Variants in RBFA observed in about 807,000 individuals in gnomAD.
The protein encoded by RBFA is putative ribosome-binding factor A, mitochondrial.
RBFA carries 16 observed loss-of-function variants against 27.9 expected under a neutral mutation model. The observed-to-expected ratio is 0.57, with a 90% CI of 0.39 to 0.87. The LOEUF (loss-of-function observed/expected upper bound fraction) is 0.87, where lower values mean the gene tolerates loss of function less well. RBFA is among the 40% of genes least tolerant of loss of function. The probability of loss-of-function intolerance (pLI) is 0.00; values close to 1 mark genes in which losing one functional copy is unlikely to be tolerated. For missense variants in RBFA, 456 were observed against 432.1 expected (o/e 1.06, Z -0.49); for synonymous variants, 181 against 181.0 (o/e 1.00, Z 0.00).
intron 3 of RBFA, 136 bp from the exon 4 acceptor site, chr18:80,038,369 T>G (rs1599766383): frequency 1.6e-6 from 1 of 607,648 alleles, no homozygotes; most frequent in South Asian, 2.1e-5. Flanking sequence ...CAGCAGGAGG[T>G]GGCCTCCAGC....
chr18:80,036,490 C>T (rs2051979727), intron 1 of RBFA, among the ~76,000 whole-genome samples, 178 bp from the exon 2 acceptor site: 1 of 152,186 alleles, frequency 6.6e-6, no homozygotes, highest in Admixed American at 6.5e-5. Flanking sequence ...CATCTTCAGC[C>T]TCTTCCCCAC....
Position 80,050,470 on chromosome 18 carries a change from C to G in RBFA, c.*4315C>G, listed in dbSNP as rs183518701. ...AGACTGGGGCACCCATCCCCTCAAG[C>G]ATTTATCCTTTGTGCCACAAACAAT... On this transcript the variant is annotated 3_prime_UTR_variant, in exon 7 of 7. Transcript: ENST00000306735. Among the ~76,000 whole-genome samples, 439 of 152,274 alleles carry G rather than the reference C, an allele frequency of 2.9e-3. No homozygotes were observed. Among genetic ancestry groups the G allele is most frequent in the African/African-American group, 9.9e-3 (413 of 41,542 alleles).
chr18:80,037,282 T>C, intron 2 of RBFA, 48 bp from the exon 3 acceptor site: 1 of 1,558,318 alleles, frequency 6.4e-7, no homozygotes, highest in Non-Finnish European at 8.8e-7. Flanking sequence ...CTTGGTGAGT[T>C]TGGAGTTGTA....
chr18:80,038,402 GGT>G, intron 3 of RBFA, 101 bp from the exon 4 acceptor site: 1 of 760,248 alleles, frequency 1.3e-6, no homozygotes, highest in Non-Finnish European at 2.2e-6. Context: ...CCCTGGCTTG[GGT>G]GGGAGGGGCG....
At chr18:80,045,122 C>A (rs1239638973) in intron 6 of RBFA, among the ~76,000 whole-genome samples, 1 of 152,132 alleles carries the variant, frequency 6.6e-6, no homozygotes, top group Admixed American at 6.5e-5. Flanking sequence ...AGAATAGACT[C>A]TTCATGAAGG....
chr18:80,039,858 CAG>C (rs772482989), intron 4 of RBFA, among the ~76,000 whole-genome samples: 1 of 152,150 alleles, frequency 6.6e-6, no homozygotes, highest in Non-Finnish European at 1.5e-5. Flanking sequence ...TTTAATGTAG[CAG>C]AGTGTGACAG....
chr18:80,043,017 C>G (rs938249043), intron 5 of RBFA, among the ~76,000 whole-genome samples: 16 of 152,178 alleles, frequency 1.1e-4, no homozygotes, highest in Admixed American at 7.2e-4. Flanking sequence ...ATGGATCAGT[C>G]CACTTTCGTT....
rs186980626 is a variant in RBFA at position 80,043,218 on chromosome 18, G to A, written c.577-994G>A. On this transcript the variant is annotated intron_variant, in intron 5 of 6. Coordinates refer to ENST00000306735, the MANE Select transcript of RBFA (RefSeq NM_024805.3). The stretch of plus-strand genomic sequence containing the variant: ...TTCAAAAAGTCAGTCAAAAATCAGC[G>A]AATAGCGTTTGCAGTATTATAGGTA... Among the ~76,000 whole-genome samples, 90 of 152,284 alleles carry A rather than the reference G, an allele frequency of 5.9e-4. 1 individual carries two copies. The Middle Eastern group carries it at 0.014, about 23-fold the overall frequency.
rs1348649434 is a variant in RBFA, at chr18:80,034,748, T to A, written c.158+95T>A. Reference sequence around the variant, plus strand: ...CCGCTCATCCGCGTTCTTGCGCCCATGCGGCCTAGCTCGCCAGTTCCTGCC... The same window carrying A: ...CCGCTCATCCGCGTTCTTGCGCCCAAGCGGCCTAGCTCGCCAGTTCCTGCC... On this transcript the variant is annotated intron_variant, in intron 1 of 6. Coordinates refer to ENST00000306735, the MANE Select transcript of RBFA (RefSeq NM_024805.3). 2.6e-6 allele frequency: 4 copies of A among 1,526,102 alleles called. No homozygotes were observed. The African/African-American group carries it at 4.3e-5, about 16-fold the overall frequency. 94.5% of individuals were successfully genotyped at this position (1,526,102 alleles called of 1,614,324 possible). A position where few individuals can be genotyped will look rare whatever the true frequency, so the allele number is the denominator to read the frequency against.
In RBFA at chr18:80,045,762, C is replaced by T. The variant is rs776783754; in HGVS notation, c.651-12C>T. The stretch of plus-strand genomic sequence containing the variant: ...GTTTGTGCTTGGTGTGAAGCCTCTT[C>T]TTCCTTCCCAGGGACCCTGATGCCC... On this transcript the variant is annotated splice_polypyrimidine_tract_variant and intron_variant, in intron 6 of 6. Transcript: ENST00000306735. The T allele has an allele frequency of 1.9e-5, 29 of 1,511,326 alleles. No individual in the cohort carries two copies. The highest frequency in any genetic ancestry group is 3.5e-6 in the Non-Finnish European group (4 of 1,130,820). 93.6% of individuals were successfully genotyped at this position (1,511,326 alleles called of 1,614,324 possible). A position where few individuals can be genotyped will look rare whatever the true frequency, so the allele number is the denominator to read the frequency against.
At chr18:80,044,459 C>T (rs1294326916) in intron 6 of RBFA, among the ~76,000 whole-genome samples, 174 bp downstream of exon 6, 2 of 152,212 alleles carry the variant, frequency 1.3e-5, no homozygotes, top group Admixed American at 1.3e-4. Flanking sequence ...GGCCTGGCCA[C>T]GTTTACACAG....
intron 2 of RBFA, among the ~76,000 whole-genome samples, chr18:80,036,976 G>C (rs962448072): frequency 6.6e-6 from 1 of 152,310 alleles, no homozygotes; most frequent in African/African-American, 2.4e-5. Context: ...TACTGTAAAA[G>C]TTTATACAAT....
In RBFA at chr18:80,038,562, G is replaced by A; in HGVS notation, c.436G>A (p.Ala146Thr). The A allele has an allele frequency of 2.5e-6, 4 of 1,614,160 alleles. No individual in the cohort carries two copies. Among genetic ancestry groups the A allele is most frequent in the Non-Finnish European group, 3.4e-6 (4 of 1,179,996 alleles). Residue 146 changes from alanine (A) to threonine (T), a missense_variant, in exon 4 of 7, where the codon GCT (alanine) becomes ACT (threonine). Ala to Thr is a moderately conservative substitution (Grantham distance 58). Coordinates refer to ENST00000306735, the MANE Select transcript of RBFA (RefSeq NM_024805.3). ...CRAYWKTTLSAEQNAHMEAVL... is the reference protein window; with the variant it reads ...CRAYWKTTLSTEQNAHMEAVL... ...AGCGTACTGGAAGACAACGCTCTCT[G>A]CTGAGCAGAACGCACACATGGAGGC...
Position 80,047,376 on chromosome 18 carries a change from G to C in RBFA, c.*1221G>C, listed in dbSNP as rs2052063297. On this transcript the variant is annotated 3_prime_UTR_variant, in exon 7 of 7. Transcript: ENST00000306735. ...GCCACGTGCTGCAGACAGCGGCTGTGGGCGAGTGATGAGGCCACTACCCAG... is the reference window on the plus strand; with the variant it reads ...GCCACGTGCTGCAGACAGCGGCTGTCGGCGAGTGATGAGGCCACTACCCAG... 1 of 152,362 alleles carries C rather than the reference G, an allele frequency of 6.6e-6. No homozygotes were observed. Among genetic ancestry groups the C allele is most frequent in the Admixed American group, 6.5e-5 (1 of 15,284 alleles). 9.4% of individuals were successfully genotyped at this position (152,362 alleles called of 1,614,324 possible). A position where few individuals can be genotyped will look rare whatever the true frequency, so the allele number is the denominator to read the frequency against.
In RBFA at chr18:80,037,539, T is replaced by C. The variant is rs775420499; in HGVS notation, c.378+33T>C. 35 of 1,575,058 alleles carry C rather than the reference T, an allele frequency of 2.2e-5. No individual in the cohort carries two copies. In the East Asian group the frequency reaches 7.9e-4, roughly 36 times the overall value. On this transcript the variant is annotated intron_variant, in intron 3 of 6. Transcript: ENST00000306735. ...GTGTGGCCAAAGAGAAGAAATGGGT[T>C]GAGACAGCAGGCCTGGCACTTACTT...
intron 4 of RBFA, chr18:80,041,442 C>G (rs1320484687): frequency 6.6e-6 from 1 of 152,172 alleles, no homozygotes; most frequent in Non-Finnish European, 1.5e-5. Context: ...ACTTCTGTGT[C>G]TAATATCTGG....
chr18:80,034,721 G>A, intron 1 of RBFA, 68 bp downstream of exon 1: 1 of 1,578,342 alleles, frequency 6.3e-7, no homozygotes, highest in Non-Finnish European at 8.6e-7. Context: ...GGGTTGCGGT[G>A]TCCGCTCATC....
rs1435199955 is a variant in RBFA at position 80,050,490 on chromosome 18, A to G, written c.*4335A>G. ...TCAAGCATTTATCCTTTGTGCCACA[A>G]ACAATCCGATTATATTGTTTTAGTT... On this transcript the variant is annotated 3_prime_UTR_variant, in exon 7 of 7. Transcript: ENST00000306735. 6.6e-6 allele frequency among the ~76,000 whole-genome samples: 1 copy of G among 152,212 alleles called. No individual in the cohort carries two copies. Among genetic ancestry groups the G allele is most frequent in the Admixed American group, 6.5e-5 (1 of 15,284 alleles).
Position 80,034,472 on chromosome 18 carries a change from C to CGCTCCGGGTCCCG in RBFA, c.-21_-9dup, listed in dbSNP as rs989320612. On this transcript the variant is annotated 5_prime_UTR_variant, in exon 1 of 7. Coordinates refer to ENST00000306735, the MANE Select transcript of RBFA (RefSeq NM_024805.3). Reference sequence around the variant, plus strand: ...CGCCTGCGCCCGTTGTCTCCCTGCTCGCTCCGGGTCCCGGCGCCGCGCCAT... The same window carrying CGCTCCGGGTCCCG: ...CGCCTGCGCCCGTTGTCTCCCTGCTCGCTCCGGGTCCCGGCTCCGGGTCCCGGCGCCGCGCCAT... The CGCTCCGGGTCCCG allele has an allele frequency of 2.1e-5, 31 of 1,493,398 alleles. No individual in the cohort carries two copies. The highest frequency in any genetic ancestry group is 2.7e-5 in the Non-Finnish European group (31 of 1,131,976). 92.5% of individuals were successfully genotyped at this position (1,493,398 alleles called of 1,614,324 possible). A position where few individuals can be genotyped will look rare whatever the true frequency, so the allele number is the denominator to read the frequency against.
Sources: gnomAD v4.1 joint callset for allele counts (sites outside exome capture counted in the v4.1 genomes callset) on GRCh38, gnomAD v4.1.1 for gene constraint, MANE v1.5 for transcripts, NCBI Gene and HGNC (gene_info 2026-07-23, HGNC 2026-07-21) for gene names.